ERC2: variants seen among roughly 807,000 people sequenced by gnomAD.
The protein encoded by ERC2 is ELKS/RAB6-interacting/CAST family member 2, also known as ERC protein 2.
In ERC2, 42 loss-of-function variants were observed where a neutral mutation model predicts 114.8. The observed-to-expected ratio is 0.37, with a 90% CI of 0.29 to 0.47. The LOEUF (loss-of-function observed/expected upper bound fraction) is 0.47. Ranked by LOEUF, ERC2 falls within the 20% of genes least tolerant of loss-of-function variation. The pLI, the probability that ERC2 is intolerant of heterozygous loss-of-function variation, is 0.99. For missense variants in ERC2, 939 were observed against 1,150.7 expected, an observed-to-expected ratio of 0.82 and a Z score of 2.66; for synonymous variants, 454 against 425.5, an observed-to-expected ratio of 1.07 and a Z score of -0.82.
intron 17 of ERC2, among the ~76,000 whole-genome samples, chr3:55,664,862 T>C (rs184024986): frequency 2.0e-5 from 3 of 152,294 alleles, no homozygotes; most frequent in East Asian, 1.9e-4. Flanking sequence ...TTGAAAACTT[T>C]AGCAGTAGGT....
At chr3:56,185,242 C>T (rs2083520700) in intron 3 of ERC2, 1 of 152,148 alleles carries the variant, frequency 6.6e-6, no homozygotes, top group African/African-American at 2.4e-5. Flanking sequence ...GAGGCAAGAA[C>T]CATGGAGTAT....
chr3:55,916,769 TATA>T (rs1222169585), intron 13 of ERC2, among the ~76,000 whole-genome samples: 1 of 152,116 alleles, frequency 6.6e-6, no homozygotes, highest in Non-Finnish European at 1.5e-5. Flanking sequence ...CTTCATAGCA[TATA>T]TTACAATCTC....
intron 17 of ERC2, among the ~76,000 whole-genome samples, chr3:55,545,007 C>T (rs765698301): frequency 6.6e-6 from 1 of 152,158 alleles, no homozygotes; most frequent in Non-Finnish European, 1.5e-5. Flanking sequence ...TGCAAAATAG[C>T]CCCTACTTTC....
At chr3:55,652,855 G>C (rs2060691422) in intron 17 of ERC2, among the ~76,000 whole-genome samples, 1 of 66,604 alleles carries the variant, frequency 1.5e-5, no homozygotes, top group Admixed American at 2.6e-4. Flanking sequence ...GCAAGACTCT[G>C]TCTCAAAAAA....
chr3:55,797,589 G>C (rs1281263593), intron 14 of ERC2, among the ~76,000 whole-genome samples: 1 of 152,286 alleles, frequency 6.6e-6, no homozygotes, highest in African/African-American at 2.4e-5. Context: ...TCACCAGTGA[G>C]GGAAAGATAG....
chr3:56,070,128 T>A (rs1262169628), intron 7 of ERC2, among the ~76,000 whole-genome samples: 1 of 152,190 alleles, frequency 6.6e-6, no homozygotes. Flanking sequence ...AATATAGATA[T>A]GTGTAAAATT....
chr3:56,340,315 T>G (rs1416247583), intron 2 of ERC2, among the ~76,000 whole-genome samples: 1 of 152,164 alleles, frequency 6.6e-6, no homozygotes, highest in East Asian at 1.9e-4. Context: ...TGTTAAAATG[T>G]GTTTAAAACA....
At chr3:55,539,360 ATTTTC>A (rs896302947) in intron 17 of ERC2, among the ~76,000 whole-genome samples, 8 of 96,442 alleles carry the variant, frequency 8.3e-5, no homozygotes, top group Non-Finnish European at 1.8e-4. Context: ...TCTAAGACGT[ATTTTC>A]TTTTCTTTTA....
At chr3:55,766,895 G>T (rs1226408759) in intron 14 of ERC2, 1 of 152,248 alleles carries the variant, frequency 6.6e-6, no homozygotes, top group Non-Finnish European at 1.5e-5. Flanking sequence ...TCCTGAGGGT[G>T]ATTACTTGCC....
intron 14 of ERC2, among the ~76,000 whole-genome samples, chr3:55,830,008 A>C (rs1575747613): frequency 6.6e-6 from 1 of 152,192 alleles, no homozygotes; most frequent in Admixed American, 6.5e-5. Flanking sequence ...AAAAAAACCC[A>C]CCTGCAGCTA....
At chr3:55,581,881 CAT>C (rs2057279925) in intron 17 of ERC2, among the ~76,000 whole-genome samples, 1 of 152,178 alleles carries the variant, frequency 6.6e-6, no homozygotes, top group Admixed American at 6.5e-5. Context: ...GCTCATAACA[CAT>C]GAGTCTTCAT....
At chr3:56,404,949 G>C (rs1178071272) in intron 2 of ERC2, among the ~76,000 whole-genome samples, 1 of 152,148 alleles carries the variant, frequency 6.6e-6, no homozygotes, top group Non-Finnish European at 1.5e-5. Flanking sequence ...CATTTGTACT[G>C]GTTTGATGGA....
At chr3:55,588,986 A>G (rs1441957211) in intron 17 of ERC2, among the ~76,000 whole-genome samples, 2 of 152,048 alleles carry the variant, frequency 1.3e-5, no homozygotes. Context: ...GGCAAGCATT[A>G]AACACAGGCT....
rs577027624 is a variant in ERC2, at chr3:55,921,415, G to A, written c.2403+29010C>T. Reference sequence around the variant, plus strand: ...ACTCCTCATTCATTTCTTTGAAGGCGGTATTCCCACATGTATCAGTCCTAC... The same window carrying A: ...ACTCCTCATTCATTTCTTTGAAGGCAGTATTCCCACATGTATCAGTCCTAC... On this transcript the variant is annotated intron_variant, in intron 13 of 17. Coordinates refer to ENST00000288221, the MANE Select transcript of ERC2 (RefSeq NM_015576.3). Among the ~76,000 whole-genome samples, 44 of 152,130 alleles carry A rather than the reference G, an allele frequency of 2.9e-4. No homozygotes were observed. In the South Asian group the frequency reaches 3.3e-3, roughly 11 times the overall value.
intron 17 of ERC2, among the ~76,000 whole-genome samples, chr3:55,682,814 A>T (rs2062122737): frequency 6.6e-6 from 1 of 152,222 alleles, no homozygotes; most frequent in Non-Finnish European, 1.5e-5. Context: ...TGAATAAAAC[A>T]TCATATGCAA....
chr3:55,618,023 A>C (rs2059189563), intron 17 of ERC2, among the ~76,000 whole-genome samples: 1 of 151,914 alleles, frequency 6.6e-6, no homozygotes, highest in Non-Finnish European at 1.5e-5. Context: ...CAGGAGAGAA[A>C]CTATACAAAT....
chr3:56,416,419 G>C (rs1335203797), intron 2 of ERC2, among the ~76,000 whole-genome samples: 1 of 151,974 alleles, frequency 6.6e-6, no homozygotes, highest in African/African-American at 2.4e-5. Context: ...AAGAAGGCAG[G>C]GAGAGATTCC....
chr3:55,922,823 CA>C (rs1327757094), intron 13 of ERC2, among the ~76,000 whole-genome samples: 3 of 152,132 alleles, frequency 2.0e-5, no homozygotes, highest in Admixed American at 1.3e-4. Context: ...ACAAGATGCT[CA>C]ACATCACCAG....
At chr3:56,342,547 C>T (rs546806684) in intron 2 of ERC2, among the ~76,000 whole-genome samples, 2 of 152,278 alleles carry the variant, frequency 1.3e-5, no homozygotes, top group South Asian at 2.1e-4. Context: ...TGAGTGTGCT[C>T]CTATATAGCA....
Sources: gnomAD v4.1 joint callset for allele counts (sites outside exome capture counted in the v4.1 genomes callset) on GRCh38, gnomAD v4.1.1 for gene constraint, MANE v1.5 for transcripts, NCBI Gene and HGNC (gene_info 2026-07-23, HGNC 2026-07-21) for gene names.